CREB3L1: variants seen among roughly 807,000 people sequenced by gnomAD.
CREB3L1 encodes cyclic AMP-responsive element-binding protein 3-like protein 1.
Under a neutral mutation model 54.5 loss-of-function variants are expected in CREB3L1, and 33 were observed. That is an observed-to-expected ratio of 0.61 (90% CI 0.46 to 0.81). The LOEUF is 0.81. CREB3L1 is among the 30% of genes least tolerant of loss of function. CREB3L1 has a pLI of 0.00. For synonymous variants in CREB3L1, 284 were observed against 286.4 expected (o/e 0.99, Z 0.08); for missense variants, 656 against 673.3 (o/e 0.97, Z 0.29).
intron 2 of CREB3L1, among the ~76,000 whole-genome samples, chr11:46,304,276 C>A (rs1939344257): frequency 6.6e-6 from 1 of 152,128 alleles, no homozygotes; most frequent in Non-Finnish European, 1.5e-5. Context: ...AGTTCAAGGC[C>A]AGCCTAACCA....
At chr11:46,314,599 C>G (rs560226406) in intron 8 of CREB3L1, among the ~76,000 whole-genome samples, 77 of 152,048 alleles carry the variant, frequency 5.1e-4, no homozygotes, top group Non-Finnish European at 9.9e-4. Context: ...TGGTCTCCAG[C>G]TCCTGGACTC....
intron 8 of CREB3L1, chr11:46,315,140 CT>C: frequency 1.1e-5 from 3 of 271,922 alleles, no homozygotes; most frequent in South Asian, 4.1e-5. Context: ...CAACACAAGA[CT>C]TTTTCCTTCT....
In CREB3L1 at chr11:46,320,525, A is replaced by G; in HGVS notation, c.1520A>G (p.Asp507Gly). 7.0e-7 allele frequency: 1 copy of G among 1,424,748 alleles called. No individual in the cohort carries two copies. 88.3% of individuals were successfully genotyped at this position (1,424,748 alleles called of 1,614,324 possible). ...DFSHSKEWFH[D>G]RDLGPNTTIK... Reference sequence around the variant, plus strand: ...TCCCACTCCAAGGAGTGGTTCCACGACAGGTGGGGTGTGTGGCCCCTTTCC... The same window carrying G: ...TCCCACTCCAAGGAGTGGTTCCACGGCAGGTGGGGTGTGTGGCCCCTTTCC... The change falls in exon 11 of 12, where the codon GAC becomes GGC. Residue 507 changes from aspartate to glycine, a missense_variant. By Grantham distance (94) the Asp-to-Gly change is moderately conservative. Around this residue, in one of 3 missense-constraint regions of CREB3L1, gnomAD observed 240 missense variants for 219.8 expected, o/e 1.09. Transcript: ENST00000621158.
chr11:46,298,241 A>G (rs1450681289), intron 1 of CREB3L1, among the ~76,000 whole-genome samples: 1 of 152,152 alleles, frequency 6.6e-6, no homozygotes, highest in East Asian at 1.9e-4. Flanking sequence ...CCAATATTCC[A>G]GGCCAGAAAG....
chr11:46,312,194 C>T, intron 5 of CREB3L1, 131 bp from the exon 6 acceptor site: 1 of 762,724 alleles, frequency 1.3e-6, no homozygotes, highest in Admixed American at 3.0e-5. Context: ...GATCCACTCC[C>T]TTTCCAGATG....
intron 2 of CREB3L1, among the ~76,000 whole-genome samples, chr11:46,306,757 A>G (rs1590347470): frequency 1.3e-5 from 2 of 150,034 alleles, no homozygotes; most frequent in Admixed American, 1.3e-4. Flanking sequence ...ACTGGCTTGT[A>G]TTTATTGAAC....
At chr11:46,285,589 C>G (rs1566179773) in intron 1 of CREB3L1, among the ~76,000 whole-genome samples, 1 of 152,162 alleles carries the variant, frequency 6.6e-6, no homozygotes, top group East Asian at 1.9e-4. Flanking sequence ...ACCATATTGT[C>G]TACAAGGCCA....
At chr11:46,320,045 T>G (rs1320555480) in intron 10 of CREB3L1, among the ~76,000 whole-genome samples, 1 of 152,168 alleles carries the variant, frequency 6.6e-6, no homozygotes, top group Non-Finnish European at 1.5e-5. Flanking sequence ...ACCTCTCATT[T>G]ACATGAGGTT....
Position 46,312,614 on chromosome 11 carries a change from C to A in CREB3L1, c.906C>A (p.Ile302=). Residue 302 remains isoleucine (I), a splice_region_variant and synonymous_variant, in exon 7 of 12, where the codon ATC becomes ATA. Coordinates refer to ENST00000621158, the MANE Select transcript of CREB3L1 (RefSeq NM_052854.4). The stretch of plus-strand genomic sequence containing the variant: ...TGTTTTCGGGCCTCCCCCTCTAGAT[C>A]TCAGCCCAGGAGAGCCGTCGTAAGA... ...KRVRRKIKNK[I]SAQESRRKKK... 1 of 1,611,738 alleles carries A rather than the reference C, an allele frequency of 6.2e-7. No individual in the cohort carries two copies. The highest frequency in any genetic ancestry group is 8.5e-7 in the Non-Finnish European group (1 of 1,178,884).
intron 1 of CREB3L1, among the ~76,000 whole-genome samples, chr11:46,297,115 A>T (rs1939221801): frequency 6.6e-6 from 1 of 152,176 alleles, no homozygotes; most frequent in African/African-American, 2.4e-5. Flanking sequence ...ACTGGGCCCA[A>T]CACCAGGCCT....
Position 46,320,334 on chromosome 11 carries a change from GC to G in CREB3L1, c.1332del (p.Met445TrpfsTer38). The G allele has an allele frequency of 6.2e-7, 1 of 1,612,622 alleles. No individual in the cohort carries two copies. The highest frequency in any genetic ancestry group is 2.2e-5 in the East Asian group (1 of 44,834). On this transcript the variant is annotated frameshift_variant, in exon 11 of 12. Coordinates refer to ENST00000621158, the MANE Select transcript of CREB3L1 (RefSeq NM_052854.4). LOFTEE classifies it high-confidence loss of function. ...GGGAAGATGGCCGCAGCACCCTGCT[GC>G]CCATGGAGCCCCCAGATGGCTGGGA... ...LWEDGRSTLL[P>X]MEPPDGWEIN... is the part of the protein sequence containing the mutation.
chr11:46,305,735 T>C (rs1402086373), intron 2 of CREB3L1, among the ~76,000 whole-genome samples: 2 of 78,010 alleles, frequency 2.6e-5, no homozygotes, highest in Non-Finnish European at 5.1e-5. Flanking sequence ...TGTGTGTGTA[T>C]ATATATATAT....
intron 1 of CREB3L1, among the ~76,000 whole-genome samples, chr11:46,290,120 C>G (rs1939109418): frequency 6.6e-6 from 1 of 152,200 alleles, no homozygotes; most frequent in Admixed American, 6.5e-5. Flanking sequence ...CCTTCTGGCT[C>G]CTTCACCCCC....
At chr11:46,288,325 GC>G in intron 1 of CREB3L1, among the ~76,000 whole-genome samples, 1 of 152,154 alleles carries the variant, frequency 6.6e-6, no homozygotes, top group East Asian at 1.9e-4. Context: ...CAAGTGATCC[GC>G]CCGCCTCAGT....
chr11:46,300,176 A>G lies in CREB3L1; in HGVS notation c.331+13A>G. The G allele has an allele frequency of 6.3e-7, 1 of 1,597,826 alleles. No homozygotes were observed. The highest frequency in any genetic ancestry group is 1.1e-5 in the South Asian group (1 of 89,414). On this transcript the variant is annotated intron_variant, in intron 2 of 11. Coordinates refer to ENST00000621158, the MANE Select transcript of CREB3L1 (RefSeq NM_052854.4). ...GACACCACCCAAGGTAAGAGGTGGA[A>G]GAACCTGGGGACAGCACAGGCCCAG...
chr11:46,288,419 G>A (rs1939086853), intron 1 of CREB3L1, among the ~76,000 whole-genome samples: 2 of 152,202 alleles, frequency 1.3e-5, no homozygotes, highest in Non-Finnish European at 1.5e-5. Context: ...AATTGACTGT[G>A]GTCCCCCTTG....
In CREB3L1 at chr11:46,312,513, G is replaced by T. The variant is rs372512380; in HGVS notation, c.903+39G>T. ...CCCTGGGGCTTCAGAGGGCTTCCTT[G>T]GTGGGTGGGCTCCCCTGGCATACCA... On this transcript the variant is annotated intron_variant, in intron 6 of 11. Transcript: ENST00000621158. 3.7e-4 allele frequency: 598 copies of T among 1,610,300 alleles called. 1 individual carries two copies. The highest frequency in any genetic ancestry group is 4.9e-4 in the Non-Finnish European group (581 of 1,177,680).
At chr11:46,314,758 A>C (rs1590351734) in intron 8 of CREB3L1, among the ~76,000 whole-genome samples, 1 of 148,732 alleles carries the variant, frequency 6.7e-6, no homozygotes, top group Non-Finnish European at 1.5e-5. Context: ...CCCAGGCTGG[A>C]GTGCAGTGGC....
At chr11:46,293,528 C>T (rs919852154) in intron 1 of CREB3L1, among the ~76,000 whole-genome samples, 3 of 152,208 alleles carry the variant, frequency 2.0e-5, no homozygotes, top group Admixed American at 1.3e-4. Flanking sequence ...GAATACACAC[C>T]CTCCCCAGGA....
Sources: gnomAD v4.1 joint callset for allele counts (sites outside exome capture counted in the v4.1 genomes callset) on GRCh38, gnomAD v4.1.1 for gene constraint, gnomAD v4.1.1 regional missense constraint, MANE v1.5 for transcripts, NCBI Gene and HGNC (gene_info 2026-07-23, HGNC 2026-07-21) for gene names.